Variants in ARL17A observed in about 807,000 individuals in gnomAD.
ARL17A encodes the protein ADP-ribosylation factor-like 17-like.
chr17:46,551,195 C>T (rs1250453782), downstream of ARL17A, among the ~76,000 whole-genome samples: 5 of 149,272 alleles, frequency 3.3e-5, no homozygotes, highest in South Asian at 4.2e-4. Flanking sequence ...GCTCAGCTTG[C>T]ATCAACTTAC....
At chr17:46,541,603 C>A (rs2055332745) in intron 3 of ARL17A, among the ~76,000 whole-genome samples, 1 of 150,846 alleles carries the variant, frequency 6.6e-6, no homozygotes, top group Non-Finnish European at 1.5e-5. Flanking sequence ...GTTGTTGCAC[C>A]TATCACTACA....
At chr17:46,552,691 C>T (rs1421132007), downstream of ARL17A, 1 of 77,270 alleles carries the variant, frequency 1.3e-5, no homozygotes, top group East Asian at 2.4e-4. Flanking sequence ...CTAGATCAGG[C>T]TGAATATTTG....
intron 4 of ARL17A, among the ~76,000 whole-genome samples, chr17:46,532,306 G>A (rs1186777580): frequency 2.1e-4 from 31 of 150,214 alleles, no homozygotes; most frequent in Admixed American, 9.2e-4. Context: ...AGAATACTCC[G>A]TTGAATTTGG....
intron 3 of ARL17A, among the ~76,000 whole-genome samples, chr17:46,544,975 G>A (rs549416594): frequency 7.1e-6 from 1 of 140,248 alleles, no homozygotes; most frequent in Non-Finnish European, 1.6e-5. Flanking sequence ...CTTGTAAATT[G>A]TCCCACAATC....
At chr17:46,528,699 T>C (rs952767371), downstream of ARL17A, 830 of 624,786 alleles carry the variant, frequency 1.3e-3, 2 homozygotes, top group Non-Finnish European at 7.3e-4. Flanking sequence ...CACTCCAGCC[T>C]GGGCAACAGA....
intron 3 of ARL17A, among the ~76,000 whole-genome samples, chr17:46,522,436 C>CTTTGT (rs540067163): frequency 8.3e-5 from 10 of 120,424 alleles, no homozygotes; most frequent in Admixed American, 1.6e-4. Context: ...AAATGTGAGA[C>CTTTGT]TTGTTTGTTT....
downstream of ARL17A, chr17:46,548,593 G>A (rs551619169): frequency 1.1e-4 from 179 of 1,585,024 alleles, 16 homozygotes; most frequent in East Asian, 4.0e-3. Flanking sequence ...AAACAGCCTG[G>A]CAAAGATTCA....
At chr17:46,534,707 TG>T (rs1387432953) in intron 4 of ARL17A, among the ~76,000 whole-genome samples, 1 of 150,090 alleles carries the variant, frequency 6.7e-6, no homozygotes, top group Non-Finnish European at 1.5e-5. Flanking sequence ...AATGAGCTGT[TG>T]GGTACACCTC....
At chr17:46,542,664 C>T (rs1240599164) in intron 3 of ARL17A, among the ~76,000 whole-genome samples, 1 of 150,172 alleles carries the variant, frequency 6.7e-6, no homozygotes, top group East Asian at 1.9e-4. Context: ...CACTGCACTC[C>T]AGCTTGGGTG....
chr17:46,518,524 TACTC>T (rs1281121659), intron 3 of ARL17A, among the ~76,000 whole-genome samples: 1 of 112,950 alleles, frequency 8.9e-6, no homozygotes, highest in East Asian at 2.5e-4. Flanking sequence ...TGTGCCAACT[TACTC>T]TATTGTCAGC....
At chr17:46,535,190 C>T (rs1439725197) in intron 4 of ARL17A, among the ~76,000 whole-genome samples, 9 of 149,438 alleles carry the variant, frequency 6.0e-5, no homozygotes, top group South Asian at 2.1e-4. Flanking sequence ...CAACCATGTC[C>T]AGCACCTGCA....
intron 4 of ARL17A, among the ~76,000 whole-genome samples, chr17:46,532,887 C>G (rs1380870363): frequency 6.7e-6 from 1 of 148,462 alleles, no homozygotes; most frequent in African/African-American, 2.6e-5. Flanking sequence ...GATTGCTTGA[C>G]CCCAGGAGTT....
the ARL17A span, among the ~76,000 whole-genome samples, chr17:46,504,925 TA>T: frequency 8.3e-6 from 1 of 120,014 alleles, no homozygotes; most frequent in African/African-American, 3.5e-5. Context: ...ATTTATTTAA[TA>T]AATTGATTTA....
At chr17:46,541,536 T>C (rs1226191415) in intron 3 of ARL17A, among the ~76,000 whole-genome samples, 1 of 150,604 alleles carries the variant, frequency 6.6e-6, no homozygotes, top group African/African-American at 2.5e-5. Context: ...ACAGATAAGA[T>C]CCACCTTGCC....
chr17:46,550,949 T>C (rs2056733535), downstream of ARL17A, among the ~76,000 whole-genome samples: 1 of 149,280 alleles, frequency 6.7e-6, no homozygotes. Flanking sequence ...ACGTATTGTC[T>C]TGTAGACTTA....
At chr17:46,545,080 G>A (rs968151976) in intron 3 of ARL17A, among the ~76,000 whole-genome samples, 1 of 135,342 alleles carries the variant, frequency 7.4e-6, no homozygotes, top group African/African-American at 3.0e-5. Flanking sequence ...CGTAACCGCA[G>A]ATGGCCTGTA....
chr17:46,533,418 T>C lies in ARL17A; in HGVS notation c.336-4559A>G, dbSNP rs1420231702. Among the ~76,000 whole-genome samples the C allele has an allele frequency of 3.9e-5, 5 of 128,172 alleles. No individual in the cohort carries two copies. In the East Asian group the frequency reaches 8.9e-4, roughly 23 times the overall value. The allele number at this position is 128,172 out of a possible 152,430, so 84.1% of individuals were successfully genotyped here. ...TCTCACCCCCTCCTTTATACTGTTA[T>C]TGTCACACATTACATCTTTATATAC... is the stretch of plus-strand genomic sequence containing the variant. On this transcript the variant is annotated intron_variant, in intron 4 of 4. Transcript: ENST00000329240.
Position 46,532,087 on chromosome 17 carries a change from C to T in ARL17A, c.336-3228G>A, listed in dbSNP as rs549992757. 1.1e-4 allele frequency among the ~76,000 whole-genome samples: 17 copies of T among 150,516 alleles called. 1 individual carries two copies. The highest frequency in any genetic ancestry group is 3.2e-4 in the African/African-American group (13 of 40,140). On this transcript the variant is annotated intron_variant, in intron 4 of 4. Transcript: ENST00000329240. ...CAACAGAGTGAGACTCCAATGGAGA[C>T]GGGGTTTCAGCACGTTTATCAGGCT... is the stretch of plus-strand genomic sequence containing the variant.
chr17:46,542,709 T>A (rs1240525198), intron 3 of ARL17A, among the ~76,000 whole-genome samples: 2 of 149,910 alleles, frequency 1.3e-5, no homozygotes, highest in African/African-American at 5.1e-5. Context: ...ATATATATAT[T>A]TATATATATG....
Sources: gnomAD v4.1 joint callset for allele counts (sites outside exome capture counted in the v4.1 genomes callset) on GRCh38, gnomAD v4.1.1 for gene constraint, MANE v1.5 for transcripts, NCBI Gene and HGNC (gene_info 2026-07-23, HGNC 2026-07-21) for gene names.